The following ZNF431 variants were observed in gnomAD, a reference collection of about 807,000 sequenced individuals.
The protein encoded by ZNF431 is zinc finger protein 431.
ZNF431 carries 34 observed loss-of-function variants against 57.0 expected under a neutral mutation model. The observed-to-expected ratio is 0.60, with a 90% CI of 0.45 to 0.79. ZNF431 has a LOEUF of 0.79. ZNF431 is among the 30% of genes least tolerant of loss of function. ZNF431 has a pLI of 0.00. For missense variants in ZNF431, 607 were observed against 667.1 expected, an observed-to-expected ratio of 0.91 and a Z score of 0.99; for synonymous variants, 207 against 220.3, an observed-to-expected ratio of 0.94 and a Z score of 0.54.
intron 4 of ZNF431, among the ~76,000 whole-genome samples, chr19:21,172,585 G>C (rs997234917): frequency 3.3e-5 from 5 of 152,084 alleles, no homozygotes; most frequent in Non-Finnish European, 7.4e-5. Flanking sequence ...AGTATCATTT[G>C]AGCCCCAAAG....
chr19:21,171,041 G>A lies in ZNF431; in HGVS notation c.319+3375G>A, dbSNP rs760469239. Among the ~76,000 whole-genome samples, 53 of 152,262 alleles carry A rather than the reference G, an allele frequency of 3.5e-4. 1 individual carries two copies. The highest frequency in any genetic ancestry group is 9.8e-4 in the Admixed American group (15 of 15,284). On this transcript the variant is annotated intron_variant, in intron 4 of 4. Transcript: ENST00000311048. ...TGTAACCCTACTTTGCAAAATATAC[G>A]TTTAAATTTAGCAATGTAATGCTAT...
intron 2 of ZNF431, among the ~76,000 whole-genome samples, chr19:21,153,508 A>G (rs1970335640): frequency 6.6e-6 from 1 of 152,254 alleles, no homozygotes; most frequent in Admixed American, 6.5e-5. Flanking sequence ...CAAAGGATGA[A>G]GAATTTTATT....
intron 2 of ZNF431, among the ~76,000 whole-genome samples, chr19:21,161,695 G>C (rs1377791359): frequency 6.6e-6 from 1 of 151,882 alleles, no homozygotes; most frequent in Admixed American, 6.6e-5. Context: ...CTCTTGTTGC[G>C]CAGGCTGGAG....
At chr19:21,149,615 A>C in intron 2 of ZNF431, 1 of 251,414 alleles carries the variant, frequency 4.0e-6, no homozygotes, top group Non-Finnish European at 7.8e-6. Flanking sequence ...TATTTTAATT[A>C]TTTTTATGTA....
chr19:21,160,246 C>T (rs977154162), intron 2 of ZNF431, among the ~76,000 whole-genome samples: 2 of 152,066 alleles, frequency 1.3e-5, no homozygotes, highest in African/African-American at 2.4e-5. Context: ...TCTGAAACCC[C>T]GCTTTGAGAA....
intron 2 of ZNF431, among the ~76,000 whole-genome samples, chr19:21,154,582 G>T (rs1211745526): frequency 1.3e-5 from 2 of 152,132 alleles, no homozygotes; most frequent in Non-Finnish European, 2.9e-5. Flanking sequence ...CTAGATCCCT[G>T]AGGAATCGCC....
intron 4 of ZNF431, among the ~76,000 whole-genome samples, chr19:21,181,752 A>G (rs1291657189): frequency 6.6e-6 from 1 of 151,822 alleles, no homozygotes; most frequent in African/African-American, 2.4e-5. Context: ...TGAGTATTCA[A>G]TTTATTTTAA....
intron 2 of ZNF431, among the ~76,000 whole-genome samples, chr19:21,152,845 C>G (rs1349666746): frequency 6.6e-6 from 1 of 151,996 alleles, no homozygotes; most frequent in African/African-American, 2.4e-5. Flanking sequence ...TTTGTGGTTA[C>G]CAGAAAGATG....
intron 4 of ZNF431, among the ~76,000 whole-genome samples, chr19:21,174,194 GCCAAATAAA>G (rs1370741164): frequency 6.6e-6 from 1 of 152,094 alleles, no homozygotes; most frequent in East Asian, 1.9e-4. Flanking sequence ...TGAACTGTGA[GCCAAATAAA>G]CCTTCTTTCT....
rs144558072 is a variant in ZNF431 at position 21,148,812 on chromosome 19, C to G, written c.96+5169C>G. Among the ~76,000 whole-genome samples the G allele has an allele frequency of 4.1e-3, 627 of 152,242 alleles. 4 individuals are homozygous for G. Among genetic ancestry groups the G allele is most frequent in the African/African-American group, 0.014 (581 of 41,536 alleles). ...CTAGGAGTGAAGTCTAGGACACAGACACAAGTGTATATAAGGTCTGACTCC... is the reference window on the plus strand; with the variant it reads ...CTAGGAGTGAAGTCTAGGACACAGAGACAAGTGTATATAAGGTCTGACTCC... On this transcript the variant is annotated intron_variant, in intron 2 of 4. Coordinates refer to ENST00000311048, the MANE Select transcript of ZNF431 (RefSeq NM_133473.4).
Position 21,182,823 on chromosome 19 carries a change from A to G in ZNF431, c.520A>G (p.Lys174Glu). The G allele has an allele frequency of 6.2e-7, 1 of 1,614,044 alleles. No individual in the cohort carries two copies. Among genetic ancestry groups the G allele is most frequent in the Non-Finnish European group, 8.5e-7 (1 of 1,179,924 alleles). ...LNQCLTTTQS[K>E]IFPCDKYVKV... Reference sequence around the variant, plus strand: ...CCAGTGTTTGACAACTACCCAGAGCAAAATATTTCCATGTGATAAATATGT... The same window carrying G: ...CCAGTGTTTGACAACTACCCAGAGCGAAATATTTCCATGTGATAAATATGT... The change falls in exon 5 of 5, where the codon AAA becomes GAA. Residue 174 changes from lysine (K) to glutamate (E), a missense_variant. Physicochemically the swap from Lys to Glu is moderately conservative, Grantham distance 56. Coordinates refer to ENST00000311048, the MANE Select transcript of ZNF431 (RefSeq NM_133473.4).
At chr19:21,162,144 T>TTTGTGTGTGTGTG (rs1417739477) in intron 2 of ZNF431, among the ~76,000 whole-genome samples, 3 of 66,176 alleles carry the variant, frequency 4.5e-5, no homozygotes, top group African/African-American at 1.2e-4. Flanking sequence ...ATCCAGCTAA[T>TTTGTGTGTGTGTG]TGTGTGTGTG....
In ZNF431 at chr19:21,185,191, G is replaced by T. The variant is rs1971334232; in HGVS notation, c.*1157G>T. The T allele has an allele frequency of 6.6e-6, 1 of 152,140 alleles. No individual in the cohort carries two copies. Among genetic ancestry groups the T allele is most frequent in the African/African-American group, 2.4e-5 (1 of 41,428 alleles). 9.4% of individuals were successfully genotyped at this position (152,140 alleles called of 1,614,324 possible). A position where few individuals can be genotyped will look rare whatever the true frequency, so the allele number is the denominator to read the frequency against. On this transcript the variant is annotated 3_prime_UTR_variant, in exon 5 of 5. Coordinates refer to ENST00000311048, the MANE Select transcript of ZNF431 (RefSeq NM_133473.4). The stretch of plus-strand genomic sequence containing the variant: ...CTGACACTTCAGATATACTAAATCA[G>T]AGTGCTAAGTATAGAAAATCTGAAA...
chr19:21,180,342 T>C (rs1785378489), intron 4 of ZNF431, among the ~76,000 whole-genome samples: 1 of 152,240 alleles, frequency 6.6e-6, no homozygotes, highest in South Asian at 2.1e-4. Context: ...CCTTAGTGCT[T>C]CTTTCAGGAG....
rs1043136038 is a variant in ZNF431 at position 21,142,951 on chromosome 19, C to T, written c.4-600C>T. Among the ~76,000 whole-genome samples, 3 of 152,036 alleles carry T rather than the reference C, an allele frequency of 2.0e-5. No individual in the cohort carries two copies. The East Asian group carries it at 5.8e-4, about 29-fold the overall frequency. ...AAAGACACCTCCGTCTAATTGCCTG[C>T]CTTTTAATTATTTTCACAGTCCATG... On this transcript the variant is annotated intron_variant, in intron 1 of 4. Coordinates refer to ENST00000311048, the MANE Select transcript of ZNF431 (RefSeq NM_133473.4).
intron 3 of ZNF431, 54 bp downstream of exon 3, chr19:21,166,515 CT>C (rs1402564277): frequency 7.2e-6 from 11 of 1,522,774 alleles, no homozygotes; most frequent in South Asian, 2.6e-5. Context: ...TTTCATGTCT[CT>C]TTTTTTGTAG....
At chr19:21,157,953 T>C (rs554622114) in intron 2 of ZNF431, among the ~76,000 whole-genome samples, 2 of 152,036 alleles carry the variant, frequency 1.3e-5, no homozygotes, top group Admixed American at 1.3e-4. Flanking sequence ...GTGAGTGTGG[T>C]TTGAAGTGGG....
chr19:21,146,600 A>G (rs147958188), intron 2 of ZNF431, among the ~76,000 whole-genome samples: 3 of 152,256 alleles, frequency 2.0e-5, no homozygotes, highest in East Asian at 3.9e-4. Context: ...TAATGTTTCC[A>G]TATTTGTAAG....
rs765513386 is a variant in ZNF431, at chr19:21,189,946, C to A, written c.*5912C>A. 2.5e-6 allele frequency: 1 copy of A among 397,682 alleles called. No individual in the cohort carries two copies. The highest frequency in any genetic ancestry group is 4.4e-6 in the Non-Finnish European group (1 of 225,996). The allele number at this position is 397,682 out of a possible 1,614,324, so 24.6% of individuals were successfully genotyped here. On this transcript the variant is annotated 3_prime_UTR_variant, in exon 5 of 5. Coordinates refer to ENST00000311048, the MANE Select transcript of ZNF431 (RefSeq NM_133473.4). Reference sequence around the variant, plus strand: ...ATTGCTTGAGCCCAGGAGTTTGAGACCAGCCTGGACAACGTGGAAAAACCC... The same window carrying A: ...ATTGCTTGAGCCCAGGAGTTTGAGAACAGCCTGGACAACGTGGAAAAACCC...
Sources: gnomAD v4.1 joint callset for allele counts (sites outside exome capture counted in the v4.1 genomes callset) on GRCh38, gnomAD v4.1.1 for gene constraint, MANE v1.5 for transcripts, NCBI Gene and HGNC (gene_info 2026-07-23, HGNC 2026-07-21) for gene names.